AJAP1: variants seen among roughly 807,000 people sequenced by gnomAD.
The protein encoded by AJAP1 is adherens junctions associated protein 1.
AJAP1 carries 5 observed loss-of-function variants against 35.0 expected under a neutral mutation model. That is an observed-to-expected ratio of 0.14 (90% CI 0.07 to 0.30). AJAP1 has a LOEUF of 0.30. Ranked by LOEUF, AJAP1 falls within the 10% of genes least tolerant of loss-of-function variation. The pLI is 1.00. For missense variants in AJAP1, 586 were observed against 571.0 expected, an observed-to-expected ratio of 1.03 and a Z score of -0.27; for synonymous variants, 284 against 249.3, an observed-to-expected ratio of 1.14 and a Z score of -1.31.
At chr1:4,771,205 C>G (rs181515684) in intron 3 of AJAP1, among the ~76,000 whole-genome samples, 4 of 152,300 alleles carry the variant, frequency 2.6e-5, no homozygotes, top group Non-Finnish European at 5.9e-5. Flanking sequence ...ATGAGCAAGT[C>G]CTATGAACCT....
chr1:4,714,466 T>C (rs1640342933), intron 2 of AJAP1, among the ~76,000 whole-genome samples: 1 of 152,226 alleles, frequency 6.6e-6, no homozygotes, highest in Non-Finnish European at 1.5e-5. Context: ...TCACTTACTA[T>C]ATAGACATGG....
At chr1:4,681,712 C>T (rs757048958) in intron 1 of AJAP1, among the ~76,000 whole-genome samples, 2 of 152,192 alleles carry the variant, frequency 1.3e-5, no homozygotes, top group African/African-American at 2.4e-5. Flanking sequence ...GAATAGTGCA[C>T]CCTGGATTTG....
In AJAP1 at chr1:4,720,566, C is replaced by A. The variant is rs914102913; in HGVS notation, c.829+7867C>A. Among the ~76,000 whole-genome samples the A allele has an allele frequency of 7.2e-5, 11 of 152,132 alleles. No homozygotes were observed. Among genetic ancestry groups the A allele is most frequent in the Admixed American group, 7.2e-4 (11 of 15,276 alleles). On this transcript the variant is annotated intron_variant, in intron 2 of 5. Transcript: ENST00000378191. This position sits in a 1 kb window ranked among gnomAD's most constrained non-coding sequence, Gnocchi z 4.4. ...CCATGGTCCTCTGAATCTTTGCCTG[C>A]AAAATGGGGAAGCAATTTCTTTGTG... is the stretch of plus-strand genomic sequence containing the variant.
At chr1:4,760,271 A>T (rs906566353) in intron 2 of AJAP1, among the ~76,000 whole-genome samples, 3 of 150,340 alleles carry the variant, frequency 2.0e-5, no homozygotes, top group African/African-American at 7.4e-5. Context: ...GTGTCCGTGT[A>T]TGTGTGAGTG....
At position 4,665,971 on chromosome 1, in the gene AJAP1, A is replaced by C. The variant is rs538234403; in HGVS notation, c.29+10517A>C. ...AGGAAGCCCATTGGGCCCGAGGAGG[A>C]AGGGACAGCCAGGCGGAGGGAATGG... On this transcript the variant is annotated intron_variant, in intron 1 of 5. Coordinates refer to ENST00000378191, the MANE Select transcript of AJAP1 (RefSeq NM_018836.4). Among the ~76,000 whole-genome samples the C allele has an allele frequency of 4.6e-5, 7 of 152,318 alleles. No homozygotes were observed. In the South Asian group the frequency reaches 1.4e-3, roughly 32 times the overall value.
At chr1:4,719,438 A>T (rs138196935) in intron 2 of AJAP1, among the ~76,000 whole-genome samples, 1 of 152,200 alleles carries the variant, frequency 6.6e-6, no homozygotes, top group African/African-American at 2.4e-5. Context: ...AGCTTCATCA[A>T]TCGCCCAATT....
At chr1:4,770,277 TC>T (rs1167533156) in intron 3 of AJAP1, among the ~76,000 whole-genome samples, 3 of 151,928 alleles carry the variant, frequency 2.0e-5, no homozygotes, top group Non-Finnish European at 2.9e-5. Context: ...CTCTGCCCCT[TC>T]CCTGGAAAGG....
chr1:4,736,719 T>C (rs1557632714), intron 2 of AJAP1, among the ~76,000 whole-genome samples: 1 of 152,194 alleles, frequency 6.6e-6, no homozygotes, highest in Non-Finnish European at 1.5e-5. Flanking sequence ...ATTTATTGAA[T>C]AAGCAAATGA....
rs1483022162 is a variant in AJAP1 at position 4,734,176 on chromosome 1, G to C, written c.829+21477G>C. Among the ~76,000 whole-genome samples the C allele has an allele frequency of 6.6e-6, 1 of 152,230 alleles. No individual in the cohort carries two copies. The highest frequency in any genetic ancestry group is 1.9e-4 in the East Asian group (1 of 5,188). ...TGAACCCATGCACTTGTTCTGTGTG[G>C]AGGAAGAGAGGCACCCGCTCAGATG... On this transcript the variant is annotated intron_variant, in intron 2 of 5. Coordinates refer to ENST00000378191, the MANE Select transcript of AJAP1 (RefSeq NM_018836.4). The surrounding 1 kb of genome is among the most constrained non-coding windows in gnomAD (Gnocchi z 4.3).
At chr1:4,670,398 G>A (rs999730243) in intron 1 of AJAP1, among the ~76,000 whole-genome samples, 1 of 152,158 alleles carries the variant, frequency 6.6e-6, no homozygotes, top group Non-Finnish European at 1.5e-5. Context: ...CCCTTTTCCT[G>A]GACCTCAGAG....
chr1:4,706,674 G>A (rs551226625), intron 1 of AJAP1, among the ~76,000 whole-genome samples: 2 of 152,266 alleles, frequency 1.3e-5, no homozygotes, highest in East Asian at 3.9e-4. Context: ...CTCCCAGGAG[G>A]CTCACGCCGC....
At chr1:4,671,627 C>A (rs1335610670) in intron 1 of AJAP1, among the ~76,000 whole-genome samples, 13 of 152,118 alleles carry the variant, frequency 8.5e-5, no homozygotes. Flanking sequence ...AGCAATTCTT[C>A]CTCACACACC....
At chr1:4,659,023 G>A (rs1638943676) in intron 1 of AJAP1, among the ~76,000 whole-genome samples, 1 of 152,212 alleles carries the variant, frequency 6.6e-6, no homozygotes, top group Admixed American at 6.5e-5. Context: ...GGGGCCCTGT[G>A]TGCTCCTGGG....
intron 1 of AJAP1, among the ~76,000 whole-genome samples, chr1:4,691,799 GA>G (rs1451733485): frequency 6.6e-6 from 1 of 152,102 alleles, no homozygotes; most frequent in Non-Finnish European, 1.5e-5. Context: ...GTGTGTGGGG[GA>G]CAAGCGCTCA....
chr1:4,783,155 T>C lies in AJAP1; in HGVS notation c.*670T>C, dbSNP rs1180231942. On this transcript the variant is annotated 3_prime_UTR_variant, in exon 6 of 6. Coordinates refer to ENST00000378191, the MANE Select transcript of AJAP1 (RefSeq NM_018836.4). ...TCTGATTTATTTAACATGCTTAGTA[T>C]GAGCAGAATAAACCAGTGTTTTCTA... 3 of 253,706 alleles carry C rather than the reference T, an allele frequency of 1.2e-5. No homozygotes were observed. Among genetic ancestry groups the C allele is most frequent in the African/African-American group, 6.6e-5 (3 of 45,456 alleles). 15.7% of individuals were successfully genotyped at this position (253,706 alleles called of 1,614,324 possible). A position where few individuals can be genotyped will look rare whatever the true frequency, so the allele number is the denominator to read the frequency against.
At chr1:4,745,335 G>A (rs1018172945) in intron 2 of AJAP1, among the ~76,000 whole-genome samples, 1 of 151,960 alleles carries the variant, frequency 6.6e-6, no homozygotes, top group African/African-American at 2.4e-5. Context: ...CATCCTCAGA[G>A]GGAGGGGACA....
intron 2 of AJAP1, among the ~76,000 whole-genome samples, chr1:4,729,705 A>T (rs1027119227): frequency 1.4e-5 from 2 of 145,178 alleles, no homozygotes; most frequent in Non-Finnish European, 3.0e-5. Flanking sequence ...CCTCATTTTA[A>T]CTTGATTACC....
intron 2 of AJAP1, among the ~76,000 whole-genome samples, chr1:4,753,031 C>A (rs1294032910): frequency 2.0e-5 from 3 of 152,172 alleles, no homozygotes; most frequent in Non-Finnish European, 4.4e-5. Flanking sequence ...TCCATCCGTA[C>A]CATCCCTGCC....
At chr1:4,740,717 A>C (rs1179083194) in intron 2 of AJAP1, among the ~76,000 whole-genome samples, 1 of 131,372 alleles carries the variant, frequency 7.6e-6, no homozygotes, top group South Asian at 2.7e-4. Flanking sequence ...ACCCGGGAGG[A>C]GGAGCTTACA....
Sources: allele counts gnomAD v4.1 joint callset (sites outside exome capture counted in the v4.1 genomes callset), GRCh38; gene constraint gnomAD v4.1.1; non-coding constraint Gnocchi (gnomAD v3.1); transcripts MANE v1.5; gene names NCBI Gene and HGNC (gene_info 2026-07-23, HGNC 2026-07-21).